The following ESRRG variants were observed in gnomAD, a reference collection of about 807,000 sequenced individuals.
The protein encoded by ESRRG is estrogen related receptor gamma.
In ESRRG, 13 loss-of-function variants were observed where a neutral mutation model predicts 44.0. The ratio of observed to expected loss-of-function variants is 0.30; its 90% CI spans 0.19 to 0.47. The LOEUF (loss-of-function observed/expected upper bound fraction) is 0.47, where lower values mean the gene tolerates loss of function less well. Among genes scored for constraint, ESRRG ranks in the 20% least tolerant of loss-of-function variants. The probability of loss-of-function intolerance (pLI) is 1.00; values close to 1 mark genes in which losing one functional copy is unlikely to be tolerated. For synonymous variants in ESRRG, 215 were observed against 214.6 expected, an observed-to-expected ratio of 1.00 and a Z score of -0.02; for missense variants, 395 against 580.6, an observed-to-expected ratio of 0.68 and a Z score of 3.29.
chr1:216,839,784 GTGCA>G (rs1175001158), intron 2 of ESRRG, among the ~76,000 whole-genome samples: 1 of 152,068 alleles, frequency 6.6e-6, no homozygotes, highest in East Asian at 1.9e-4. Flanking sequence ...GGGTAATCAG[GTGCA>G]TTGTCAATGA....
chr1:216,728,534 C>T (rs1286461457), intron 2 of ESRRG, among the ~76,000 whole-genome samples: 3 of 151,874 alleles, frequency 2.0e-5, no homozygotes, highest in Admixed American at 6.6e-5. Context: ...GATAGAGAAG[C>T]AGGGGGAAGT....
chr1:216,937,436 T>C (rs925276689), intron 2 of ESRRG, among the ~76,000 whole-genome samples: 1 of 152,190 alleles, frequency 6.6e-6, no homozygotes. Context: ...ATTAGTCAAT[T>C]AGTCAGAAAG....
intron 5 of ESRRG, among the ~76,000 whole-genome samples, chr1:216,535,796 T>A (rs1177473505): frequency 6.6e-6 from 1 of 152,108 alleles, no homozygotes; most frequent in Admixed American, 6.6e-5. Flanking sequence ...TAGCTCTCTG[T>A]CTCTGTCTGT....
At chr1:216,890,735 G>A (rs552454511) in intron 2 of ESRRG, among the ~76,000 whole-genome samples, 18 of 152,282 alleles carry the variant, frequency 1.2e-4, no homozygotes, top group African/African-American at 4.3e-4. Context: ...CACATGACCT[G>A]TGATATAAAA....
chr1:216,996,836 T>C (rs1240942055), intron 1 of ESRRG, among the ~76,000 whole-genome samples: 7 of 152,184 alleles, frequency 4.6e-5, no homozygotes, highest in Non-Finnish European at 1.0e-4. Context: ...AGAATTTGAC[T>C]GTAAGACACA....
intron 5 of ESRRG, among the ~76,000 whole-genome samples, chr1:216,563,158 T>A (rs1215180293): frequency 6.6e-6 from 1 of 152,226 alleles, no homozygotes; most frequent in Non-Finnish European, 1.5e-5. Flanking sequence ...GCTGGTATAA[T>A]ACAGAGTGAT....
chr1:216,924,331 G>C (rs559659230), intron 2 of ESRRG, among the ~76,000 whole-genome samples: 1 of 152,116 alleles, frequency 6.6e-6, no homozygotes, highest in African/African-American at 2.4e-5. Flanking sequence ...CTGGTTGAAA[G>C]GGGAGGCCAA....
chr1:217,054,830 G>A (rs775966169), intron 1 of ESRRG, among the ~76,000 whole-genome samples: 10 of 151,962 alleles, frequency 6.6e-5, no homozygotes, highest in African/African-American at 1.7e-4. Flanking sequence ...AGGAAGCTAC[G>A]GTCATTGATT....
At chr1:216,640,852 G>T (rs1173075833) in intron 3 of ESRRG, among the ~76,000 whole-genome samples, 1 of 152,094 alleles carries the variant, frequency 6.6e-6, no homozygotes, top group Non-Finnish European at 1.5e-5. Flanking sequence ...TTGTTTGAAG[G>T]CTGGTGGGGA....
intron 1 of ESRRG, 114 bp downstream of exon 1, chr1:216,723,130 T>C (rs2086706189): frequency 1.2e-6 from 1 of 841,726 alleles, no homozygotes. Flanking sequence ...CAAGCAGTCG[T>C]GCACACAAAA....
intron 1 of ESRRG, among the ~76,000 whole-genome samples, chr1:216,964,152 G>T (rs1309966762): frequency 2.6e-5 from 4 of 152,152 alleles, no homozygotes; most frequent in Admixed American, 2.0e-4. Flanking sequence ...GAGGTGGGTA[G>T]GGCCAAGTTA....
intron 2 of ESRRG, among the ~76,000 whole-genome samples, chr1:216,767,886 C>CATAAGAA (rs1028299335): frequency 6.6e-6 from 1 of 152,084 alleles, no homozygotes; most frequent in African/African-American, 2.4e-5. Flanking sequence ...ACAACTCTTT[C>CATAAGAA]ATAAGAAGAC....
intron 1 of ESRRG, among the ~76,000 whole-genome samples, chr1:216,684,817 C>A (rs1363718302): frequency 6.6e-6 from 1 of 152,154 alleles, no homozygotes; most frequent in Non-Finnish European, 1.5e-5. Flanking sequence ...GGGGGAAATA[C>A]CATTTAGTTT....
At chr1:216,667,440 C>T (rs2074175366) in intron 2 of ESRRG, among the ~76,000 whole-genome samples, 1 of 152,052 alleles carries the variant, frequency 6.6e-6, no homozygotes, top group South Asian at 2.1e-4. Flanking sequence ...AATCCCAGCA[C>T]ATCGGGAGAC....
At chr1:216,922,962 T>A (rs2062026123) in intron 2 of ESRRG, among the ~76,000 whole-genome samples, 1 of 150,862 alleles carries the variant, frequency 6.6e-6, no homozygotes. Context: ...TAAAGATAAC[T>A]ATGCCCTAAG....
At chr1:216,617,406 A>G (rs753736534) in intron 3 of ESRRG, among the ~76,000 whole-genome samples, 6 of 152,122 alleles carry the variant, frequency 3.9e-5, no homozygotes, top group Non-Finnish European at 8.8e-5. Context: ...CATAAATAGC[A>G]GCAGCAACGC....
rs965651966 is a variant in ESRRG, at chr1:216,986,700, C to G, written c.-105-47027G>C. ...CAATATCACACGACTGTACTCCAGC[C>G]TGGGCAATAGAGAGAGACTCTGCCT... On this transcript the variant is annotated intron_variant, in intron 1 of 7. Coordinates refer to the ESRRG transcript ENST00000359162. 4.6e-5 allele frequency among the ~76,000 whole-genome samples: 7 copies of G among 152,020 alleles called. 1 individual carries two copies. The South Asian group carries it at 8.3e-4, about 18-fold the overall frequency.
intron 2 of ESRRG, among the ~76,000 whole-genome samples, chr1:216,847,793 A>G (rs1024342112): frequency 6.6e-6 from 1 of 152,112 alleles, no homozygotes; most frequent in Non-Finnish European, 1.5e-5. Context: ...ATGCCTAAAT[A>G]CAGACATTGG....
At chr1:217,110,401 T>C (rs187351596) in intron 1 of ESRRG, among the ~76,000 whole-genome samples, 2 of 152,286 alleles carry the variant, frequency 1.3e-5, no homozygotes, top group South Asian at 2.1e-4. Flanking sequence ...TAGCAAACCA[T>C]TGCCTGTTTG....
Sources: gnomAD v4.1 joint callset for allele counts (sites outside exome capture counted in the v4.1 genomes callset) on GRCh38, gnomAD v4.1.1 for gene constraint, MANE v1.5 for transcripts, NCBI Gene and HGNC (gene_info 2026-07-23, HGNC 2026-07-21) for gene names.